Variants in MAP7 observed in about 807,000 individuals in gnomAD.
MAP7 encodes ensconsin.
A neutral mutation model predicts 94.8 loss-of-function variants in MAP7; 52 were observed. That is an observed-to-expected ratio of 0.55 (90% confidence interval 0.44 to 0.69). MAP7 has a LOEUF of 0.69. Among genes scored for constraint, MAP7 ranks in the 30% least tolerant of loss-of-function variants. MAP7 has a pLI of 0.00. For missense variants in MAP7, 940 were observed against 964.6 expected (o/e 0.97, Z 0.34); for synonymous variants, 350 against 357.0 (o/e 0.98, Z 0.22).
intron 2 of MAP7, chr6:136,419,800 T>C: frequency 7.1e-6 from 2 of 282,418 alleles, no homozygotes; most frequent in Non-Finnish European, 6.8e-6. Context: ...GTTTTCACCA[T>C]CTGTAAGAGC....
intron 3 of MAP7, among the ~76,000 whole-genome samples, chr6:136,394,944 A>ATATATATATATATATATATT (rs1781941719): frequency 1.0e-5 from 1 of 100,032 alleles, no homozygotes; most frequent in Non-Finnish European, 2.0e-5. Context: ...ATATATATAT[A>ATATATATATATATATATATT]TATATATATA....
chr6:136,472,904 T>C (rs1330693921), intron 1 of MAP7, among the ~76,000 whole-genome samples: 1 of 152,130 alleles, frequency 6.6e-6, no homozygotes, highest in Non-Finnish European at 1.5e-5. Context: ...CCTGCTCAAA[T>C]CATATCTTCC....
chr6:136,491,804 C>G (rs998129745), intron 1 of MAP7, among the ~76,000 whole-genome samples: 1 of 152,146 alleles, frequency 6.6e-6, no homozygotes, highest in Non-Finnish European at 1.5e-5. Flanking sequence ...TTGGCTGGCT[C>G]TCTTTGGTTT....
intron 1 of MAP7, among the ~76,000 whole-genome samples, chr6:136,427,072 A>C (rs1313677911): frequency 6.6e-6 from 1 of 152,252 alleles, no homozygotes; most frequent in Non-Finnish European, 1.5e-5. Context: ...TAAGTATTTG[A>C]CCATTACGTG....
intron 1 of MAP7, among the ~76,000 whole-genome samples, chr6:136,485,438 T>C (rs1195239268): frequency 6.6e-6 from 1 of 152,034 alleles, no homozygotes; most frequent in Non-Finnish European, 1.5e-5. Flanking sequence ...GTAAATCAAA[T>C]GTACCAGGAT....
chr6:136,391,673 CAA>C (rs60810064), intron 3 of MAP7, among the ~76,000 whole-genome samples: 2,646 of 143,998 alleles, frequency 0.018, 94 homozygotes, highest in African/African-American at 0.062. Flanking sequence ...AACTATTATT[CAA>C]AAAAAAAAAA....
Position 136,377,849 on chromosome 6 carries a change from G to T in MAP7, c.657C>A (p.Ser219Arg), listed in dbSNP as rs762696175. Residue 219 changes from serine to arginine, a missense_variant, in exon 7 of 18, where the codon AGC becomes AGA. Ser to Arg is a moderately radical substitution (Grantham distance 110). Coordinates refer to ENST00000354570, the MANE Select transcript of MAP7 (RefSeq NM_003980.6). ...TGTTAACAACGCTGCTCTCCCATGG[G>T]CTGAGCTGCAGGCGGCGAGCTAAAC... The part of the protein sequence containing the change: ...SPDRARRLQL[S>R]PWESSVVNRL... The T allele has an allele frequency of 3.7e-6, 6 of 1,613,852 alleles. No homozygotes were observed. The highest frequency in any genetic ancestry group is 4.2e-6 in the Non-Finnish European group (5 of 1,179,838).
rs548713207 is a variant in MAP7 at position 136,458,712 on chromosome 6, C to T, written c.68-36913G>A. Among the ~76,000 whole-genome samples, 128 of 152,050 alleles carry T rather than the reference C, an allele frequency of 8.4e-4. 1 individual carries two copies. Among genetic ancestry groups the T allele is most frequent in the Non-Finnish European group, 1.6e-3 (108 of 67,958 alleles). ...AATAATGCTGGAAAAACTAGATATCCGCATGCTTAAGGAAGAAATTAGACC... is the reference window on the plus strand; with the variant it reads ...AATAATGCTGGAAAAACTAGATATCTGCATGCTTAAGGAAGAAATTAGACC... On this transcript the variant is annotated intron_variant, in intron 1 of 17. Transcript: ENST00000354570.
At chr6:136,478,979 C>CAAAAAAAAAAAAAAAA (rs59319740) in intron 1 of MAP7, among the ~76,000 whole-genome samples, 1 of 45,562 alleles carries the variant, frequency 2.2e-5, no homozygotes. Flanking sequence ...ACAGACACAT[C>CAAAAAAAAAAAAAAAA]AAAAAAAAAA....
intron 6 of MAP7, among the ~76,000 whole-genome samples, chr6:136,381,972 C>T (rs1777919621): frequency 7.0e-6 from 1 of 143,504 alleles, no homozygotes; most frequent in African/African-American, 2.6e-5. Context: ...GAAAGGACAC[C>T]CATGAAGGTG....
At chr6:136,448,649 G>A (rs757401130) in intron 1 of MAP7, among the ~76,000 whole-genome samples, 7 of 151,882 alleles carry the variant, frequency 4.6e-5, no homozygotes, top group South Asian at 2.1e-4. Flanking sequence ...TCCTGATCTC[G>A]TGATCTTCCC....
intron 1 of MAP7, among the ~76,000 whole-genome samples, chr6:136,486,653 G>C (rs538322965): frequency 5.3e-5 from 8 of 152,274 alleles, no homozygotes; most frequent in African/African-American, 1.9e-4. Flanking sequence ...CCCTAGCTTT[G>C]AGGCTGTGGT....
intron 2 of MAP7, among the ~76,000 whole-genome samples, chr6:136,417,050 TCTAGGCTA>T (rs1789716977): frequency 6.6e-6 from 1 of 152,014 alleles, no homozygotes; most frequent in Non-Finnish European, 1.5e-5. Flanking sequence ...GGCTGGGAGA[TCTAGGCTA>T]CAGTGAGCCC....
intron 1 of MAP7, among the ~76,000 whole-genome samples, chr6:136,495,162 T>C (rs1817809701): frequency 2.0e-5 from 3 of 152,140 alleles, no homozygotes; most frequent in Admixed American, 1.3e-4. Flanking sequence ...TCTAAGACCC[T>C]GAAAGCTTGA....
intron 6 of MAP7, 126 bp from the exon 7 acceptor site, chr6:136,377,994 T>C (rs1191189805): frequency 3.3e-6 from 2 of 612,282 alleles, no homozygotes; most frequent in Admixed American, 4.9e-5. Flanking sequence ...GGGAGGATGG[T>C]TGGCCAAGAG....
intron 16 of MAP7, among the ~76,000 whole-genome samples, chr6:136,352,724 A>G (rs1368173976): frequency 6.6e-6 from 1 of 152,228 alleles, no homozygotes; most frequent in Non-Finnish European, 1.5e-5. Flanking sequence ...ATAAGTGTAG[A>G]CAGGGAATAG....
chr6:136,443,378 G>T (rs1035152748), intron 1 of MAP7, among the ~76,000 whole-genome samples: 2 of 151,444 alleles, frequency 1.3e-5, no homozygotes, highest in Non-Finnish European at 1.5e-5. Flanking sequence ...TACATGGAGG[G>T]TTATAAAGCA....
intron 3 of MAP7, among the ~76,000 whole-genome samples, chr6:136,393,978 A>AATTTTTTTT (rs1554242697): frequency 2.8e-5 from 1 of 36,202 alleles, no homozygotes. Flanking sequence ...CAGCAAAGGT[A>AATTTTTTTT]TTTTTTTTTT....
intron 1 of MAP7, among the ~76,000 whole-genome samples, chr6:136,426,386 T>A (rs1040277185): frequency 6.6e-6 from 1 of 152,238 alleles, no homozygotes; most frequent in African/African-American, 2.4e-5. Flanking sequence ...TGACATACTA[T>A]CTGCTTTCAA....
Sources: gnomAD v4.1 joint callset for allele counts (sites outside exome capture counted in the v4.1 genomes callset) on GRCh38, gnomAD v4.1.1 for gene constraint, MANE v1.5 for transcripts, NCBI Gene and HGNC (gene_info 2026-07-23, HGNC 2026-07-21) for gene names.